LAMA2: variants seen among roughly 807,000 people sequenced by gnomAD.
LAMA2 encodes the protein laminin subunit alpha-2.
In LAMA2, 269 loss-of-function variants were observed where a neutral mutation model predicts 364.8. The ratio of observed to expected loss-of-function variants is 0.74; its 90% CI spans 0.67 to 0.82. The LOEUF (loss-of-function observed/expected upper bound fraction) is 0.82, where lower values mean the gene tolerates loss of function less well. LAMA2 is among the 40% of genes least tolerant of loss of function. The probability of loss-of-function intolerance (pLI) is 0.00; values close to 1 mark genes in which losing one functional copy is unlikely to be tolerated. For missense variants in LAMA2, 3,807 were observed against 3,873.2 expected (o/e 0.98, Z 0.45); for synonymous variants, 1,379 against 1,370.6 (o/e 1.01, Z -0.14).
At position 129,341,989 on chromosome 6, in the gene LAMA2, A is replaced by G. The variant is rs911791465; in HGVS notation, c.4312-354A>G. Reference sequence around the variant, plus strand: ...TAGAGCTAAAACCTGGGATATGAAGAAACATAAATGCCTAGAAGAAATAAT... The same window carrying G: ...TAGAGCTAAAACCTGGGATATGAAGGAACATAAATGCCTAGAAGAAATAAT... On this transcript the variant is annotated intron_variant, in intron 29 of 64. Coordinates refer to ENST00000421865, the MANE Select transcript of LAMA2 (RefSeq NM_000426.4). Among the ~76,000 whole-genome samples the G allele has an allele frequency of 5.9e-5, 9 of 152,256 alleles. No homozygotes were observed. In the South Asian group the frequency reaches 1.9e-3, roughly 31 times the overall value.
At chr6:129,391,429 T>C (rs1779311775) in intron 35 of LAMA2, 62 bp from the exon 36 acceptor site, 1 of 1,354,096 alleles carries the variant, frequency 7.4e-7, no homozygotes, top group South Asian at 1.2e-5. Context: ...AGATGCTGAA[T>C]ACCATGTTTT....
intron 12 of LAMA2, among the ~76,000 whole-genome samples, chr6:129,195,538 C>A (rs1231227778): frequency 6.6e-6 from 1 of 152,038 alleles, no homozygotes; most frequent in Non-Finnish European, 1.5e-5. Flanking sequence ...TTTGAAATTC[C>A]CACAGTCTCA....
intron 1 of LAMA2, among the ~76,000 whole-genome samples, chr6:128,948,404 G>A (rs1328048727): frequency 6.6e-6 from 1 of 152,024 alleles, no homozygotes; most frequent in Non-Finnish European, 1.5e-5. Flanking sequence ...AAGTTTTTCA[G>A]TTTGTTCCCT....
chr6:128,893,795 A>C (rs192117530), intron 1 of LAMA2, among the ~76,000 whole-genome samples: 1 of 152,196 alleles, frequency 6.6e-6, no homozygotes, highest in Admixed American at 6.5e-5. Context: ...TTAATTTAAA[A>C]TACCAGTAAT....
chr6:129,066,474 G>C (rs913887021), intron 3 of LAMA2, among the ~76,000 whole-genome samples: 1 of 152,202 alleles, frequency 6.6e-6, no homozygotes, highest in Non-Finnish European at 1.5e-5. Context: ...CCTGTGTTTT[G>C]TGGAATAACT....
intron 22 of LAMA2, among the ~76,000 whole-genome samples, chr6:129,309,288 C>A (rs1484635233): frequency 6.6e-6 from 1 of 152,134 alleles, no homozygotes; most frequent in Non-Finnish European, 1.5e-5. Context: ...ACAAATATTA[C>A]CTCTATTTAT....
chr6:129,256,935 G>T (rs1391256972), intron 14 of LAMA2, among the ~76,000 whole-genome samples: 4 of 151,008 alleles, frequency 2.6e-5, no homozygotes, highest in Non-Finnish European at 5.9e-5. Context: ...AAAATATTGA[G>T]AACAATCTTT....
chr6:129,262,436 C>A (rs909440808), intron 15 of LAMA2, among the ~76,000 whole-genome samples: 5 of 151,598 alleles, frequency 3.3e-5, no homozygotes, highest in Admixed American at 6.6e-5. Context: ...GTGGAGAAAT[C>A]TTAAATTGGA....
In LAMA2 at chr6:129,328,459, C is replaced by T. The variant is rs567110178; in HGVS notation, c.4311+47C>T. The T allele has an allele frequency of 1.9e-6, 3 of 1,613,708 alleles. No individual in the cohort carries two copies. In the African/African-American group the frequency reaches 4.0e-5, roughly 22 times the overall value. On this transcript the variant is annotated intron_variant, in intron 29 of 64. Transcript: ENST00000421865. ...GAACAAGGTCCATGTGCTCATTCCT[C>T]TTTACACATGCTCAGCATCTGCATG...
At chr6:128,955,487 C>A (rs536802355) in intron 1 of LAMA2, among the ~76,000 whole-genome samples, 5 of 151,780 alleles carry the variant, frequency 3.3e-5, no homozygotes, top group Admixed American at 3.3e-4. Context: ...TAGATTCCCT[C>A]GTTGAAACTC....
chr6:129,387,269 A>G (rs1431790686), intron 35 of LAMA2, among the ~76,000 whole-genome samples: 1 of 152,210 alleles, frequency 6.6e-6, no homozygotes, highest in Non-Finnish European at 1.5e-5. Flanking sequence ...ACCCATCAAA[A>G]GAAGACATTT....
Position 129,349,340 on chromosome 6 carries a change from C to T in LAMA2, c.4479C>T (p.Arg1493=), listed in dbSNP as rs372489296. 1 of 1,613,552 alleles carries T rather than the reference C, an allele frequency of 6.2e-7. No homozygotes were observed. Among genetic ancestry groups the T allele is most frequent in the Admixed American group, 1.7e-5 (1 of 59,966 alleles). Residue 1493 remains arginine, a synonymous_variant, in exon 31 of 65, where the codon CGC becomes CGT. Coordinates refer to ENST00000421865, the MANE Select transcript of LAMA2 (RefSeq NM_000426.4). Reference sequence around the variant, plus strand: ...TCGCAGAAGGACTTGACGACTACCGCTGCACGGCTTGTCCACGGGGATATG... The same window carrying T: ...TCGCAGAAGGACTTGACGACTACCGTTGCACGGCTTGTCCACGGGGATATG... The part of the protein sequence containing the change: ...SCVAEGLDDY[R]CTACPRGYEG...
intron 1 of LAMA2, among the ~76,000 whole-genome samples, chr6:128,946,923 A>T (rs960443893): frequency 6.6e-6 from 1 of 152,198 alleles, no homozygotes; most frequent in African/African-American, 2.4e-5. Context: ...ATACTGTTAA[A>T]CCAAAGGGAA....
chr6:128,895,104 C>T (rs1019716087), intron 1 of LAMA2, among the ~76,000 whole-genome samples: 5 of 152,014 alleles, frequency 3.3e-5, no homozygotes, highest in Non-Finnish European at 7.4e-5. Context: ...CAGTTTTTAC[C>T]TCAGGTCTAG....
chr6:129,219,349 A>G lies in LAMA2; in HGVS notation c.1782+26496A>G, dbSNP rs1783638636. On this transcript the variant is annotated intron_variant, in intron 12 of 64. Coordinates refer to ENST00000421865, the MANE Select transcript of LAMA2 (RefSeq NM_000426.4). ...ACAACAGATGCTGGAGAGGATGTGGAGAAATAGGAACACTTTTACACTGTT... is the reference window on the plus strand; with the variant it reads ...ACAACAGATGCTGGAGAGGATGTGGGGAAATAGGAACACTTTTACACTGTT... Among the ~76,000 whole-genome samples the G allele has an allele frequency of 2.0e-5, 3 of 152,172 alleles. No homozygotes were observed. In the South Asian group the frequency reaches 6.2e-4, roughly 32 times the overall value.
intron 15 of LAMA2, among the ~76,000 whole-genome samples, chr6:129,264,209 C>G (rs934413580): frequency 2.6e-5 from 4 of 152,120 alleles, no homozygotes; most frequent in African/African-American, 9.7e-5. Flanking sequence ...AAAGAGTTAG[C>G]ATATTCTATA....
At chr6:129,019,987 A>C (rs1785323316) in intron 1 of LAMA2, among the ~76,000 whole-genome samples, 1 of 151,772 alleles carries the variant, frequency 6.6e-6, no homozygotes, top group African/African-American at 2.4e-5. Context: ...CAGGAGGCTG[A>C]GGCAGGAGAA....
chr6:129,044,578 A>G (rs926595891), intron 1 of LAMA2, among the ~76,000 whole-genome samples: 1 of 151,262 alleles, frequency 6.6e-6, no homozygotes, highest in Non-Finnish European at 1.5e-5. Context: ...TATACACTAT[A>G]GAACAGAATA....
chr6:129,298,654 C>T (rs1313627572), intron 21 of LAMA2, among the ~76,000 whole-genome samples: 1 of 152,180 alleles, frequency 6.6e-6, no homozygotes, highest in African/African-American at 2.4e-5. Context: ...ATACTCTCAG[C>T]ACCATGGTAA....
Sources: gnomAD v4.1 joint callset for allele counts (sites outside exome capture counted in the v4.1 genomes callset) on GRCh38, gnomAD v4.1.1 for gene constraint, MANE v1.5 for transcripts, NCBI Gene and HGNC (gene_info 2026-07-23, HGNC 2026-07-21) for gene names.